The following DYM variants were observed in gnomAD, a reference collection of about 807,000 sequenced individuals.
The protein encoded by DYM is dymeclin.
DYM carries 78 observed loss-of-function variants against 93.1 expected under a neutral mutation model. The observed-to-expected ratio is 0.84, with a 90% confidence interval of 0.70 to 1.01. DYM has a LOEUF of 1.01. Among genes scored for constraint, DYM ranks in the 50% least tolerant of loss-of-function variants. The pLI is 0.00. For missense variants in DYM, 789 were observed against 845.0 expected (o/e 0.93, Z 0.82); for synonymous variants, 321 against 319.7 (o/e 1.00, Z -0.04).
At chr18:49,093,280 A>C (rs542058367) in intron 17 of DYM, 3 of 152,372 alleles carry the variant, frequency 2.0e-5, no homozygotes, top group African/African-American at 7.2e-5. Flanking sequence ...CTGGCATGCA[A>C]GGACTCTGTC....
rs1429561816 is a variant in DYM at position 49,042,331 on chromosome 18, C to T, written c.*1724G>A. On this transcript the variant is annotated 3_prime_UTR_variant, in exon 18 of 18. Transcript: ENST00000675505. ...TCTGGGACCCCACCCGGGATGGGCG[C>T]TCCACGAGTCCCTTGGCCTTAGGGA... 2 of 152,604 alleles carry T rather than the reference C, an allele frequency of 1.3e-5. No homozygotes were observed. Among genetic ancestry groups the T allele is most frequent in the African/African-American group, 4.8e-5 (2 of 41,454 alleles). 9.5% of individuals were successfully genotyped at this position (152,604 alleles called of 1,614,324 possible).
At chr18:49,243,285 G>GA (rs1337720343) in intron 13 of DYM, among the ~76,000 whole-genome samples, 1 of 152,116 alleles carries the variant, frequency 6.6e-6, no homozygotes, top group East Asian at 1.9e-4. Flanking sequence ...GGAGATGTCT[G>GA]ACACATGGTA....
rs548962133 is a variant in DYM at position 49,048,171 on chromosome 18, G to C, written c.2026-3967C>G. ...GGGTGTGAGGTACAGAGCTCAGCACGCTGCTGGTCCTTAAAAAAAGAACCA... is the reference window on the plus strand; with the variant it reads ...GGGTGTGAGGTACAGAGCTCAGCACCCTGCTGGTCCTTAAAAAAAGAACCA... On this transcript the variant is annotated intron_variant, in intron 17 of 17. Transcript: ENST00000675505. 3 of 152,282 alleles carry C rather than the reference G, an allele frequency of 2.0e-5. No homozygotes were observed. In the East Asian group the frequency reaches 5.8e-4, roughly 29 times the overall value. The allele number at this position is 152,282 out of a possible 1,614,324, so 9.4% of individuals were successfully genotyped here.
intron 6 of DYM, among the ~76,000 whole-genome samples, chr18:49,334,714 TA>T (rs1412668645): frequency 6.6e-6 from 1 of 152,218 alleles, no homozygotes; most frequent in Non-Finnish European, 1.5e-5. Context: ...AACACCTACT[TA>T]AATGAAAGCT....
intron 14 of DYM, among the ~76,000 whole-genome samples, chr18:49,193,615 G>C (rs577544827): frequency 8.7e-4 from 133 of 152,298 alleles, no homozygotes; most frequent in African/African-American, 2.8e-3. Context: ...TTTAAAAATA[G>C]AAGAAGCTAT....
At chr18:49,302,456 T>C (rs1335751153) in intron 8 of DYM, among the ~76,000 whole-genome samples, 4 of 152,228 alleles carry the variant, frequency 2.6e-5, no homozygotes, top group Admixed American at 2.6e-4. Context: ...AAAATGTCAA[T>C]CTGTAGATGT....
chr18:49,356,395 T>C (rs541069340), intron 6 of DYM, among the ~76,000 whole-genome samples: 2 of 152,186 alleles, frequency 1.3e-5, no homozygotes, highest in African/African-American at 4.8e-5. Flanking sequence ...AATACTACAA[T>C]CTTTGATTCT....
chr18:49,057,726 A>G (rs2075621919), intron 17 of DYM, among the ~76,000 whole-genome samples: 1 of 152,234 alleles, frequency 6.6e-6, no homozygotes, highest in South Asian at 2.1e-4. Context: ...TTCAATAAAT[A>G]CCATGAAAAC....
chr18:49,451,159 T>C (rs966671603), intron 1 of DYM, among the ~76,000 whole-genome samples: 4 of 152,358 alleles, frequency 2.6e-5, no homozygotes, highest in African/African-American at 9.6e-5. Flanking sequence ...CCTTTAATAA[T>C]TGAGTAAGGT....
chr18:49,223,205 G>A (rs577852840), intron 13 of DYM, among the ~76,000 whole-genome samples: 19 of 152,216 alleles, frequency 1.2e-4, no homozygotes, highest in African/African-American at 4.1e-4. Flanking sequence ...CTTACCTGTT[G>A]ACCAACTAGT....
rs1285838859 is a variant in DYM, at chr18:49,040,045, TG to T, written c.*4009del. 1.3e-5 allele frequency: 2 copies of T among 152,240 alleles called. No individual in the cohort carries two copies. The highest frequency in any genetic ancestry group is 4.8e-5 in the African/African-American group (2 of 41,454). 9.4% of individuals were successfully genotyped at this position (152,240 alleles called of 1,614,324 possible). On this transcript the variant is annotated 3_prime_UTR_variant, in exon 18 of 18. Transcript: ENST00000675505. Reference sequence around the variant, plus strand: ...TGGGCACCTGAAGGCATCAGTAATCTGGTTTCACCTCGGACCACATTCAGGT... The same window carrying T: ...TGGGCACCTGAAGGCATCAGTAATCTGTTTCACCTCGGACCACATTCAGGT...
chr18:49,434,085 C>G (rs533524946), intron 1 of DYM, among the ~76,000 whole-genome samples: 1 of 152,084 alleles, frequency 6.6e-6, no homozygotes, highest in South Asian at 2.1e-4. Context: ...GTGGCTCACG[C>G]CTATAATCCC....
rs528197858 is a variant in DYM, at chr18:49,151,681, C to A, written c.1728+12004G>T. On this transcript the variant is annotated intron_variant, in intron 15 of 17. Coordinates refer to ENST00000675505, the MANE Select transcript of DYM (RefSeq NM_001353214.3). Reference sequence around the variant, plus strand: ...TACAAGCTACATTATTTCCAGATGACGCTTGAGGGGACTATGGTTTCAAGA... The same window carrying A: ...TACAAGCTACATTATTTCCAGATGAAGCTTGAGGGGACTATGGTTTCAAGA... Among the ~76,000 whole-genome samples the A allele has an allele frequency of 4.6e-5, 7 of 152,224 alleles. No individual in the cohort carries two copies. The South Asian group carries it at 1.4e-3, about 32-fold the overall frequency.
intron 15 of DYM, among the ~76,000 whole-genome samples, chr18:49,127,340 G>A (rs1398578127): frequency 6.6e-6 from 1 of 152,188 alleles, no homozygotes; most frequent in Non-Finnish European, 1.5e-5. Flanking sequence ...ATCAAATAGA[G>A]AAGTTGGCCA....
In DYM at chr18:49,292,894, T is replaced by C. The variant is rs2060253398; in HGVS notation, c.764-6278A>G. ...AGAAGGTACAGGTTTGTTACATAGG[T>C]ATACACGTGCCATGGTGGTTTGCTG... On this transcript the variant is annotated intron_variant, in intron 8 of 17. Coordinates refer to ENST00000675505, the MANE Select transcript of DYM (RefSeq NM_001353214.3). 2.6e-5 allele frequency among the ~76,000 whole-genome samples: 4 copies of C among 152,194 alleles called. 1 individual carries two copies. The highest frequency in any genetic ancestry group is 2.6e-4 in the Admixed American group (4 of 15,270).
chr18:49,133,178 G>C (rs1266247558), intron 15 of DYM, among the ~76,000 whole-genome samples: 1 of 151,984 alleles, frequency 6.6e-6, no homozygotes, highest in Non-Finnish European at 1.5e-5. Flanking sequence ...ACTTTTCCAG[G>C]GACCCATTTA....
At chr18:49,194,277 C>T (rs957885460) in intron 14 of DYM, among the ~76,000 whole-genome samples, 6 of 152,112 alleles carry the variant, frequency 3.9e-5, no homozygotes, top group Admixed American at 6.5e-5. Context: ...TTAAACTGCA[C>T]GAGAAATTTT....
intron 8 of DYM, among the ~76,000 whole-genome samples, chr18:49,289,099 T>TA (rs1402151759): frequency 6.6e-6 from 1 of 151,954 alleles, no homozygotes; most frequent in Non-Finnish European, 1.5e-5. Flanking sequence ...ATTTGATAAT[T>TA]AAGATTATGA....
At chr18:49,114,612 T>A (rs984640357) in intron 16 of DYM, 9 of 983,248 alleles carry the variant, frequency 9.2e-6, no homozygotes, top group Non-Finnish European at 1.1e-5. Flanking sequence ...TGGTTCTGTG[T>A]GTCCTGATTA....
Sources: gnomAD v4.1 joint callset for allele counts (sites outside exome capture counted in the v4.1 genomes callset) on GRCh38, gnomAD v4.1.1 for gene constraint, MANE v1.5 for transcripts, NCBI Gene and HGNC (gene_info 2026-07-23, HGNC 2026-07-21) for gene names.